CDH13: variants seen among roughly 807,000 people sequenced by gnomAD.
The protein encoded by CDH13 is cadherin 13.
In CDH13, 24 loss-of-function variants were observed where a neutral mutation model predicts 63.8. That is an observed-to-expected ratio of 0.38 (90% CI 0.27 to 0.53). The LOEUF (loss-of-function observed/expected upper bound fraction) is 0.53, where lower values mean the gene tolerates loss of function less well. CDH13 is among the 20% of genes least tolerant of loss of function. The pLI is 0.85. For synonymous variants in CDH13, 503 were observed against 355.3 expected (o/e 1.42, Z -4.67); for missense variants, 1,049 against 903.1 (o/e 1.16, Z -2.07).
chr16:83,252,429 C>A (rs974830455), intron 5 of CDH13, among the ~76,000 whole-genome samples: 19 of 151,998 alleles, frequency 1.3e-4, no homozygotes, highest in Middle Eastern at 3.4e-3. Flanking sequence ...ATTTTATTAA[C>A]CAAAGATGGT....
chr16:83,498,541 A>T (rs2074200080), intron 7 of CDH13, among the ~76,000 whole-genome samples: 1 of 152,228 alleles, frequency 6.6e-6, no homozygotes, highest in South Asian at 2.1e-4. Flanking sequence ...ACCATGTGTC[A>T]GTCCCTAGAA....
chr16:82,941,035 A>T (rs1275812141), intron 2 of CDH13, among the ~76,000 whole-genome samples: 1 of 152,154 alleles, frequency 6.6e-6, no homozygotes, highest in Non-Finnish European at 1.5e-5. Flanking sequence ...CAAGCATATG[A>T]CGGGGAACTT....
At chr16:83,050,913 C>T (rs2030251085) in intron 3 of CDH13, among the ~76,000 whole-genome samples, 1 of 152,102 alleles carries the variant, frequency 6.6e-6, no homozygotes, top group African/African-American at 2.4e-5. Flanking sequence ...AGTTCCTCAC[C>T]ACCTGGGAGG....
chr16:83,443,762 A>ATG (rs2072571258), intron 6 of CDH13, among the ~76,000 whole-genome samples: 1 of 139,250 alleles, frequency 7.2e-6, no homozygotes, highest in African/African-American at 2.7e-5. Context: ...ATATATATAT[A>ATG]TGGAGAGAAA....
intron 7 of CDH13, among the ~76,000 whole-genome samples, chr16:83,556,403 C>G (rs941305903): frequency 6.6e-6 from 1 of 152,160 alleles, no homozygotes; most frequent in Non-Finnish European, 1.5e-5. Flanking sequence ...TCATCATGAA[C>G]AAATTGCAGC....
intron 5 of CDH13, among the ~76,000 whole-genome samples, chr16:83,307,151 G>T (rs530117052): frequency 1.3e-5 from 2 of 152,314 alleles, no homozygotes; most frequent in South Asian, 4.1e-4. Context: ...AAGCCATGGT[G>T]TCCTGGGAAT....
intron 4 of CDH13, among the ~76,000 whole-genome samples, chr16:83,146,348 C>T (rs1451097464): frequency 1.3e-5 from 2 of 152,220 alleles, no homozygotes; most frequent in African/African-American, 4.8e-5. Context: ...ATGGCTTATG[C>T]CATGTAGGGG....
At chr16:83,391,433 C>G (rs796587907) in intron 6 of CDH13, among the ~76,000 whole-genome samples, 3 of 152,000 alleles carry the variant, frequency 2.0e-5, no homozygotes, top group African/African-American at 7.2e-5. Context: ...CTCGAACTCC[C>G]GACCTCGTGA....
chr16:83,529,775 A>G (rs1012945000), intron 7 of CDH13, among the ~76,000 whole-genome samples: 1 of 152,214 alleles, frequency 6.6e-6, no homozygotes, highest in Non-Finnish European at 1.5e-5. Flanking sequence ...CAATATTGAT[A>G]TTGATTTTAA....
At chr16:83,602,388 C>G in intron 7 of CDH13, 66 bp from the exon 8 acceptor site, 1 of 1,549,580 alleles carries the variant, frequency 6.5e-7, no homozygotes, top group South Asian at 1.1e-5. Context: ...AACACGCCTG[C>G]CACCTTTCCA....
chr16:83,748,134 G>A lies in CDH13; in HGVS notation c.1565G>A (p.Gly522Asp), dbSNP rs753280933. 3 of 1,613,882 alleles carry A rather than the reference G, an allele frequency of 1.9e-6. No individual in the cohort carries two copies. The highest frequency in any genetic ancestry group is 2.5e-6 in the Non-Finnish European group (3 of 1,179,862). ...TATTCTGTTTACAAGGACCCAGCAG[G>A]TTGGCTGAATATTAACCCCATCAAT... Reference protein sequence around the residue: ...IRYSVYKDPAGWLNINPINGT... With the variant: ...IRYSVYKDPADWLNINPINGT... The change falls in exon 11 of 14, where the codon GGT becomes GAT. Residue 522 changes from glycine (G) to aspartate (D), a missense_variant. Physicochemically the swap from Gly to Asp is moderately conservative, Grantham distance 94. Transcript: ENST00000567109.
chr16:83,326,106 A>G (rs947467199), intron 5 of CDH13, among the ~76,000 whole-genome samples: 3 of 152,188 alleles, frequency 2.0e-5, no homozygotes, highest in South Asian at 2.1e-4. Flanking sequence ...ACCAGAACAC[A>G]GTATTGGGGA....
At chr16:83,546,064 G>A (rs983896366) in intron 7 of CDH13, among the ~76,000 whole-genome samples, 4 of 152,182 alleles carry the variant, frequency 2.6e-5, no homozygotes, top group Non-Finnish European at 5.9e-5. Context: ...GGAAAATATG[G>A]AGTGATGAGG....
At chr16:83,538,414 A>G (rs990667600) in intron 7 of CDH13, among the ~76,000 whole-genome samples, 3 of 152,234 alleles carry the variant, frequency 2.0e-5, no homozygotes, top group African/African-American at 7.2e-5. Flanking sequence ...CAGACCAACA[A>G]TTTGTTGATC....
intron 10 of CDH13, among the ~76,000 whole-genome samples, chr16:83,713,617 T>G (rs903954576): frequency 3.3e-5 from 5 of 152,120 alleles, no homozygotes; most frequent in Non-Finnish European, 7.3e-5. Context: ...CTCTTTTAGT[T>G]AAAAAGGAAA....
intron 1 of CDH13, among the ~76,000 whole-genome samples, chr16:82,712,761 G>C (rs1241804544): frequency 6.6e-6 from 1 of 152,044 alleles, no homozygotes; most frequent in African/African-American, 2.4e-5. Flanking sequence ...GCCTTTCCTG[G>C]GATTACCTCC....
At chr16:82,897,680 T>C (rs1427550959) in intron 2 of CDH13, among the ~76,000 whole-genome samples, 1 of 152,236 alleles carries the variant, frequency 6.6e-6, no homozygotes, top group East Asian at 1.9e-4. Flanking sequence ...TAGCTATTAA[T>C]GCTGTACATT....
At chr16:82,728,773 A>T (rs1287786759) in intron 1 of CDH13, among the ~76,000 whole-genome samples, 1 of 152,170 alleles carries the variant, frequency 6.6e-6, no homozygotes, top group African/African-American at 2.4e-5. Flanking sequence ...ACTTTCTGTA[A>T]AAATTTTGTA....
At chr16:82,993,753 T>C (rs1911906530) in intron 2 of CDH13, among the ~76,000 whole-genome samples, 1 of 152,094 alleles carries the variant, frequency 6.6e-6, no homozygotes, top group South Asian at 2.1e-4. Context: ...AACAGGCCAC[T>C]GAAACAAACA....
Sources: gnomAD v4.1 joint callset for allele counts (sites outside exome capture counted in the v4.1 genomes callset) on GRCh38, gnomAD v4.1.1 for gene constraint, MANE v1.5 for transcripts, NCBI Gene and HGNC (gene_info 2026-07-23, HGNC 2026-07-21) for gene names.